Variants in STAB2 observed in about 807,000 individuals in gnomAD.
The protein encoded by STAB2 is stabilin-2.
Under a neutral mutation model 338.1 loss-of-function variants are expected in STAB2, and 288 were observed. That is an observed-to-expected ratio of 0.85 (90% CI 0.77 to 0.94). The LOEUF (loss-of-function observed/expected upper bound fraction) is 0.94. Among genes scored for constraint, STAB2 ranks in the 40% least tolerant of loss-of-function variants. The pLI, the probability that STAB2 is intolerant of heterozygous loss-of-function variation, is 0.00. For missense variants in STAB2, 3,141 were observed against 3,210.1 expected (o/e 0.98, Z 0.52); for synonymous variants, 1,202 against 1,193.3 (o/e 1.01, Z -0.15).
In STAB2 at chr12:103,669,607, C is replaced by A. The variant is rs2138809468; in HGVS notation, c.2239C>A (p.Pro747Thr). The A allele has an allele frequency of 3.1e-6, 5 of 1,614,184 alleles. No homozygotes were observed. The highest frequency in any genetic ancestry group is 4.5e-5 in the East Asian group (2 of 44,888). Residue 747 changes from proline to threonine, a missense_variant, in exon 21 of 69, where the codon CCA becomes ACA. By Grantham distance (38) the Pro-to-Thr change is conservative. Transcript: ENST00000388887. ...CCAGTGTCCAGGAGGCTTCTCAAAT[C>A]CATGCTCAGGAAATGGACAGGTGAA... ...CNQCPGGFSN[P>T]CSGNGQCADS...
intron 44 of STAB2, among the ~76,000 whole-genome samples, chr12:103,720,152 G>C (rs989263308): frequency 6.6e-6 from 1 of 152,182 alleles, no homozygotes; most frequent in Non-Finnish European, 1.5e-5. Context: ...GAGATGTGAA[G>C]CTATTACCAC....
At chr12:103,599,887 T>C (rs1176208886) in intron 3 of STAB2, among the ~76,000 whole-genome samples, 1 of 152,100 alleles carries the variant, frequency 6.6e-6, no homozygotes, top group African/African-American at 2.4e-5. Flanking sequence ...TTTCAGGGAG[T>C]GTTTACTGAC....
At chr12:103,669,808 G>A (rs1007360878) in intron 21 of STAB2, among the ~76,000 whole-genome samples, 181 bp downstream of exon 21, 2 of 152,344 alleles carry the variant, frequency 1.3e-5, no homozygotes, top group African/African-American at 2.4e-5. Flanking sequence ...GGATGGGAGA[G>A]AGAGATTCCG....
chr12:103,634,114 A>G (rs1374858680), intron 6 of STAB2, among the ~76,000 whole-genome samples: 1 of 152,230 alleles, frequency 6.6e-6, no homozygotes. Flanking sequence ...ATCCTATACT[A>G]GTTAGGATAA....
chr12:103,669,322 G>A (rs1875491549), intron 20 of STAB2: 1 of 560,470 alleles, frequency 1.8e-6, no homozygotes, highest in South Asian at 2.1e-5. Flanking sequence ...TGTTCGCACA[G>A]TGTTAGAGCC....
At chr12:103,607,910 G>T (rs1193604438) in intron 3 of STAB2, among the ~76,000 whole-genome samples, 2 of 152,264 alleles carry the variant, frequency 1.3e-5, no homozygotes, top group East Asian at 1.9e-4. Flanking sequence ...CTAGTAATGG[G>T]ATGGCTGGGT....
rs745904883 is a variant in STAB2, at chr12:103,676,016, C to T, written c.2641C>T (p.Arg881Cys). The T allele has an allele frequency of 6.1e-5, 98 of 1,605,060 alleles. 1 individual carries two copies. Among genetic ancestry groups the T allele is most frequent in the African/African-American group, 2.7e-5 (2 of 74,102 alleles). The change falls in exon 24 of 69, where the codon CGC (arginine) becomes TGC (cysteine). Residue 881 changes from arginine (R) to cysteine (C), a missense_variant. Arg to Cys is a radical substitution (Grantham distance 180, BLOSUM62 -3). Transcript: ENST00000388887. ...CTGLTPGGCS[R>C]NAECIKTGTG... ...AGGACTAACTCCAGGAGGCTGTAGC[C>T]GCAATGTGAGTACTGGTCTTCATTT...
chr12:103,712,442 A>C lies in STAB2; in HGVS notation c.4410A>C (p.Thr1470=). Residue 1470 remains threonine, a splice_region_variant and synonymous_variant, in exon 41 of 69, where the codon ACA becomes ACC. Transcript: ENST00000388887. ...TCCAAGGAAACGGGACCATCTGCAC[A>C]GGCAAGCGAAGGAAGGAATTTGCTG... ...AGFQGNGTIC[T]AINACEISNG... The C allele has an allele frequency of 6.2e-7, 1 of 1,612,684 alleles. No homozygotes were observed. Among genetic ancestry groups the C allele is most frequent in the Non-Finnish European group, 8.5e-7 (1 of 1,178,884 alleles).
At position 103,648,317 on chromosome 12, in the gene STAB2, A is replaced by C. The variant is rs752438051; in HGVS notation, c.1041-373A>C. Among the ~76,000 whole-genome samples the C allele has an allele frequency of 4.3e-4, 66 of 152,186 alleles. 1 individual carries two copies. The highest frequency in any genetic ancestry group is 2.6e-4 in the Admixed American group (4 of 15,266). On this transcript the variant is annotated intron_variant, in intron 9 of 68. Transcript: ENST00000388887. ...TGAATCTTTGCTGTCCTGCAGGCTG[A>C]ATTCAGTAGCTTATTCTGATTCAGT...
rs762856008 is a variant in STAB2 at position 103,666,332 on chromosome 12, T to C, written c.2064T>C (p.Cys688=). The change falls in exon 19 of 69, where the codon TGT becomes TGC. Residue 688 remains cysteine (C), a synonymous_variant. Coordinates refer to ENST00000388887, the MANE Select transcript of STAB2 (RefSeq NM_017564.10). ...VSCSLVYWSR[C]PANSEPTALF... ...GTTCTCTGGTGTACTGGAGCAGATGTCCTGCTAACTCTGAGCCCACAGTGA... is the reference window on the plus strand; with the variant it reads ...GTTCTCTGGTGTACTGGAGCAGATGCCCTGCTAACTCTGAGCCCACAGTGA... 2.4e-5 allele frequency: 38 copies of C among 1,614,090 alleles called. No homozygotes were observed. In the Admixed American group the frequency reaches 5.2e-4, roughly 22 times the overall value.
At chr12:103,637,662 A>G (rs1406066291) in intron 7 of STAB2, among the ~76,000 whole-genome samples, 2 of 152,292 alleles carry the variant, frequency 1.3e-5, no homozygotes, top group Middle Eastern at 3.4e-3. Flanking sequence ...TGGGGATAAT[A>G]ATGGTACCTA....
At chr12:103,645,484 A>C (rs1362665386) in intron 9 of STAB2, among the ~76,000 whole-genome samples, 1 of 152,230 alleles carries the variant, frequency 6.6e-6, no homozygotes, top group East Asian at 1.9e-4. Flanking sequence ...ACAGAGAAAC[A>C]TACTCAGTGG....
rs369556936 is a variant in STAB2, at chr12:103,749,841, CAAAAAAAAAAAAAA to C, written c.6438+703_6439-707del. ...GGTGACAGAGCAAGACTCTGTCTCA[CAAAAAAAAAAAAAA>C]AAAAAAAAAAAAAAAAAGCTGGTAA... On this transcript the variant is annotated intron_variant, in intron 59 of 68. Coordinates refer to ENST00000388887, the MANE Select transcript of STAB2 (RefSeq NM_017564.10). 5.9e-3 allele frequency among the ~76,000 whole-genome samples: 303 copies of C among 51,154 alleles called. 1 individual carries two copies. The highest frequency in any genetic ancestry group is 0.02 in the African/African-American group (275 of 14,062). The allele number at this position is 51,154 out of a possible 152,430, so 33.6% of individuals were successfully genotyped here. A position where few individuals can be genotyped will look rare whatever the true frequency, so the allele number is the denominator to read the frequency against.
At chr12:103,651,968 C>G (rs1873777572) in intron 11 of STAB2, among the ~76,000 whole-genome samples, 1 of 152,202 alleles carries the variant, frequency 6.6e-6, no homozygotes, top group Admixed American at 6.5e-5. Context: ...AAAGAACCAG[C>G]AAACATTGTA....
intron 6 of STAB2, among the ~76,000 whole-genome samples, chr12:103,633,008 G>A (rs1478262152): frequency 1.3e-5 from 2 of 152,220 alleles, no homozygotes; most frequent in Non-Finnish European, 2.9e-5. Flanking sequence ...GTGAGCGGTG[G>A]TAGTAACAGG....
chr12:103,717,491 G>C (rs756619588), intron 43 of STAB2, among the ~76,000 whole-genome samples: 4 of 152,162 alleles, frequency 2.6e-5, no homozygotes, highest in Non-Finnish European at 4.4e-5. Flanking sequence ...GAAGGCAAGG[G>C]ACCAAATGGA....
Position 103,703,306 on chromosome 12 carries a change from G to A in STAB2, c.3843+30G>A, listed in dbSNP as rs759712262. ...GTTCTATGGGCCAGAGCCAGTGATGGAACTAATGAATATTGGCTTTTTTTT... is the reference window on the plus strand; with the variant it reads ...GTTCTATGGGCCAGAGCCAGTGATGAAACTAATGAATATTGGCTTTTTTTT... On this transcript the variant is annotated intron_variant, in intron 35 of 68. Coordinates refer to ENST00000388887, the MANE Select transcript of STAB2 (RefSeq NM_017564.10). The A allele has an allele frequency of 2.5e-6, 4 of 1,602,618 alleles. No homozygotes were observed. In the South Asian group the frequency reaches 4.5e-5, roughly 18 times the overall value.
rs1292101342 is a variant in STAB2, at chr12:103,652,610, A to T, written c.1312A>T (p.Ile438Leu). ...KAAQYFVKLH[I>L]IAGQMNIEYM... The stretch of plus-strand genomic sequence containing the variant: ...TGCTCAATACTTTGTGAAACTCCAC[A>T]TAATTGCTGGTCAGATGAACATCGA... The change falls in exon 12 of 69, where the codon ATA becomes TTA. Residue 438 changes from isoleucine (I) to leucine (L), a missense_variant. Coordinates refer to ENST00000388887, the MANE Select transcript of STAB2 (RefSeq NM_017564.10). 1.2e-6 allele frequency: 2 copies of T among 1,609,770 alleles called. No homozygotes were observed. The highest frequency in any genetic ancestry group is 1.7e-5 in the Admixed American group (1 of 59,428).
chr12:103,751,276 C>A (rs1883624223), intron 60 of STAB2, among the ~76,000 whole-genome samples: 1 of 152,054 alleles, frequency 6.6e-6, no homozygotes, highest in Non-Finnish European at 1.5e-5. Flanking sequence ...CTGGCCAGGA[C>A]AGCATGGCCA....
Sources: gnomAD v4.1 joint callset for allele counts (sites outside exome capture counted in the v4.1 genomes callset) on GRCh38, gnomAD v4.1.1 for gene constraint, MANE v1.5 for transcripts, NCBI Gene and HGNC (gene_info 2026-07-23, HGNC 2026-07-21) for gene names.